Variants in ABRA observed in about 807,000 individuals in gnomAD.
The protein encoded by ABRA is actin binding Rho activating protein, also known as actin-binding Rho-activating protein.
A neutral mutation model predicts 33.4 loss-of-function variants in ABRA; 25 were observed. That is an observed-to-expected ratio of 0.75 (90% confidence interval 0.55 to 1.04). The LOEUF (loss-of-function observed/expected upper bound fraction) is 1.04, where lower values mean the gene tolerates loss of function less well. Among genes scored for constraint, ABRA ranks in the 50% least tolerant of loss-of-function variants. The probability of loss-of-function intolerance (pLI) is 0.00; values close to 1 mark genes in which losing one functional copy is unlikely to be tolerated. For missense variants in ABRA, 501 were observed against 491.7 expected (o/e 1.02, Z -0.18); for synonymous variants, 193 against 176.8 (o/e 1.09, Z -0.73).
chr8:106,763,951 G>A lies in ABRA; in HGVS notation c.669-2437C>T, dbSNP rs73294500. 9.6e-3 allele frequency among the ~76,000 whole-genome samples: 1,463 copies of A among 152,180 alleles called. 28 individuals are homozygous for A. The highest frequency in any genetic ancestry group is 0.033 in the African/African-American group (1,370 of 41,520). ...TACTGTGTGCCAGGCACTTTTTAAG[G>A]TACTTATTGGATATTTTATAATGAA... On this transcript the variant is annotated intron_variant, in intron 1 of 1. Transcript: ENST00000311955.
Position 106,761,003 on chromosome 8 carries a change from T to C in ABRA, c.*34A>G, listed in dbSNP as rs1563779849. ...ACATGAGCATTTAGCATTAAGACCA[T>C]AGTGGGCCAAATTTGGCTTTTGTTT... On this transcript the variant is annotated 3_prime_UTR_variant, in exon 2 of 2. Coordinates refer to ENST00000311955, the MANE Select transcript of ABRA (RefSeq NM_139166.5). The C allele has an allele frequency of 5.7e-6, 9 of 1,585,036 alleles. No homozygotes were observed. The highest frequency in any genetic ancestry group is 1.7e-4 in the Middle Eastern group (1 of 5,916).
intron 1 of ABRA, among the ~76,000 whole-genome samples, chr8:106,764,423 G>A (rs1836183198): frequency 6.6e-6 from 1 of 152,212 alleles, no homozygotes; most frequent in Non-Finnish European, 1.5e-5. Flanking sequence ...GGAGGGTGAA[G>A]TGGGCAGATC....
intron 1 of ABRA, among the ~76,000 whole-genome samples, chr8:106,764,667 A>T (rs1836187917): frequency 6.6e-6 from 1 of 152,228 alleles, no homozygotes; most frequent in South Asian, 2.1e-4. Context: ...AAACAAACAA[A>T]CAAACAAAAA....
intron 1 of ABRA, among the ~76,000 whole-genome samples, chr8:106,767,352 G>T (rs6993078): frequency 6.6e-6 from 1 of 152,108 alleles, no homozygotes; most frequent in Admixed American, 6.5e-5. Flanking sequence ...TTTGGACCCC[G>T]TTATTCCATT....
chr8:106,761,529 G>A lies in ABRA; in HGVS notation c.669-15C>T. Reference sequence around the variant, plus strand: ...ATCTGTTTACCCTAAAGTAGAGAGAGGGTGAACAATCAAGATTCAGATATG... The same window carrying A: ...ATCTGTTTACCCTAAAGTAGAGAGAAGGTGAACAATCAAGATTCAGATATG... On this transcript the variant is annotated splice_polypyrimidine_tract_variant and intron_variant, in intron 1 of 1. Coordinates refer to ENST00000311955, the MANE Select transcript of ABRA (RefSeq NM_139166.5). The A allele has an allele frequency of 1.3e-6, 2 of 1,594,386 alleles. No individual in the cohort carries two copies. Among genetic ancestry groups the A allele is most frequent in the South Asian group, 1.1e-5 (1 of 88,722 alleles).
In ABRA at chr8:106,761,328, G is replaced by T. The variant is rs978594063; in HGVS notation, c.855C>A (p.Gly285=). 6.2e-7 allele frequency: 1 copy of T among 1,614,070 alleles called. No homozygotes were observed. Among genetic ancestry groups the T allele is most frequent in the Non-Finnish European group, 8.5e-7 (1 of 1,180,048 alleles). Residue 285 remains glycine, a synonymous_variant, in exon 2 of 2, where the codon GGC becomes GGA. Transcript: ENST00000311955. ...TGGTTCCTTCTTTGGGGCGGCCATA[G>T]CCCTCATCTCCTTTGTGTAGGCGGG... The part of the protein sequence containing the change: ...MSTRLHKGDE[G]YGRPKEGTKT...
At chr8:106,767,881 G>A (rs558043166) in intron 1 of ABRA, among the ~76,000 whole-genome samples, 2 of 152,222 alleles carry the variant, frequency 1.3e-5, no homozygotes, top group South Asian at 2.1e-4. Context: ...GATCACCTGA[G>A]GTCAGGAGTT....
chr8:106,768,532 GCT>G (rs1234032397), intron 1 of ABRA, among the ~76,000 whole-genome samples: 1 of 152,216 alleles, frequency 6.6e-6, no homozygotes, highest in Admixed American at 6.5e-5. Flanking sequence ...TATGTGACAA[GCT>G]CTGTGTTTGG....
rs149720804 is a variant in ABRA at position 106,762,500 on chromosome 8, A to G, written c.669-986T>C. On this transcript the variant is annotated intron_variant, in intron 1 of 1. Coordinates refer to ENST00000311955, the MANE Select transcript of ABRA (RefSeq NM_139166.5). ...TTAAAAAACCAACTCTGGAAAGTGT[A>G]GACTAGTAGTATCGTGAGGATGCCA... Among the ~76,000 whole-genome samples, 286 of 152,330 alleles carry G rather than the reference A, an allele frequency of 1.9e-3. 2 individuals carry two copies. The highest frequency in any genetic ancestry group is 6.6e-3 in the African/African-American group (274 of 41,574).
intron 1 of ABRA, among the ~76,000 whole-genome samples, chr8:106,767,185 T>C (rs1211554525): frequency 6.6e-6 from 1 of 152,202 alleles, no homozygotes; most frequent in Non-Finnish European, 1.5e-5. Context: ...TGGGATTAAA[T>C]AAATAAATAT....
At chr8:106,764,601 G>T (rs554745037) in intron 1 of ABRA, among the ~76,000 whole-genome samples, 2 of 152,144 alleles carry the variant, frequency 1.3e-5, no homozygotes, top group Admixed American at 6.5e-5. Context: ...GCAGTGAGCC[G>T]AGATGGTGTA....
chr8:106,769,472 G>A, intron 1 of ABRA, 51 bp downstream of exon 1: 2 of 1,560,222 alleles, frequency 1.3e-6, no homozygotes, highest in South Asian at 2.5e-5. Flanking sequence ...AGACTTGGTT[G>A]GGGCTCAATA....
chr8:106,768,094 C>CG (rs753136856), intron 1 of ABRA, among the ~76,000 whole-genome samples: 3 of 106,648 alleles, frequency 2.8e-5, no homozygotes, highest in African/African-American at 9.5e-5. Flanking sequence ...GACTTCATCT[C>CG]AAAAAAAAAA....
chr8:106,761,242 C>G lies in ABRA; in HGVS notation c.941G>C (p.Cys314Ser), dbSNP rs764154630. The change falls in exon 2 of 2, where the codon TGC (cysteine) becomes TCC (serine). Residue 314 changes from cysteine to serine, a missense_variant. Cys to Ser is a moderately radical substitution (Grantham distance 112). Coordinates refer to ENST00000311955, the MANE Select transcript of ABRA (RefSeq NM_139166.5). ...EHIYREMMDMCFIICTMARHR... is the reference protein window; with the variant it reads ...EHIYREMMDMSFIICTMARHR... ...GCGAGCCATTGTGCAGATAATGAAG[C>G]ACATGTCCATCATTTCCCTGTAGAT... is the stretch of plus-strand genomic sequence containing the variant. 3 of 1,614,214 alleles carry G rather than the reference C, an allele frequency of 1.9e-6. No individual in the cohort carries two copies. Among genetic ancestry groups the G allele is most frequent in the Non-Finnish European group, 2.5e-6 (3 of 1,180,040 alleles).
Position 106,761,491 on chromosome 8 carries a change from A to G in ABRA, c.692T>C (p.Leu231Pro), listed in dbSNP as rs566119692. 103 of 1,613,648 alleles carry G rather than the reference A, an allele frequency of 6.4e-5. No individual in the cohort carries two copies. The highest frequency in any genetic ancestry group is 8.0e-5 in the Non-Finnish European group (94 of 1,179,854). The part of the protein sequence containing the change: ...PSQVNRFTEK[L>P]NCKAQQKYSP... Reference sequence around the variant, plus strand: ...ATATTTCTGTTGGGCTTTGCAGTTGAGTTTCTCTGTAAATCTGTTTACCCT... The same window carrying G: ...ATATTTCTGTTGGGCTTTGCAGTTGGGTTTCTCTGTAAATCTGTTTACCCT... The change falls in exon 2 of 2, where the codon CTC (leucine) becomes CCC (proline). Residue 231 changes from leucine (L) to proline (P), a missense_variant. By Grantham distance (98) the Leu-to-Pro change is moderately conservative. Transcript: ENST00000311955.
intron 1 of ABRA, among the ~76,000 whole-genome samples, chr8:106,768,049 C>A (rs1006866160): frequency 1.3e-5 from 2 of 149,414 alleles, no homozygotes; most frequent in African/African-American, 5.0e-5. Context: ...GAGCCGAGGT[C>A]GTGCCACTGT....
chr8:106,766,828 A>G (rs991645639), intron 1 of ABRA, among the ~76,000 whole-genome samples: 1 of 152,202 alleles, frequency 6.6e-6, no homozygotes, highest in African/African-American at 2.4e-5. Context: ...TAATATAAAA[A>G]TAACCCCGTG....
At chr8:106,764,632 G>T (rs1040954726) in intron 1 of ABRA, among the ~76,000 whole-genome samples, 4 of 152,052 alleles carry the variant, frequency 2.6e-5, no homozygotes, top group African/African-American at 9.7e-5. Context: ...ACTCCAGGCT[G>T]GGTGACAGAG....
intron 1 of ABRA, among the ~76,000 whole-genome samples, chr8:106,764,927 T>G (rs927081424): frequency 6.6e-6 from 1 of 152,176 alleles, no homozygotes; most frequent in African/African-American, 2.4e-5. Context: ...AAAGTGTATT[T>G]GGTTTAACTC....
Sources: allele counts gnomAD v4.1 joint callset (sites outside exome capture counted in the v4.1 genomes callset), GRCh38; gene constraint gnomAD v4.1.1; transcripts MANE v1.5; gene names NCBI Gene and HGNC (gene_info 2026-07-23, HGNC 2026-07-21).